CHCHD2: variants seen among roughly 807,000 people sequenced by gnomAD.
The protein encoded by CHCHD2 is coiled-coil-helix-coiled-coil-helix domain-containing protein 2.
Under a neutral mutation model 17.5 loss-of-function variants are expected in CHCHD2, and 17 were observed. That is an observed-to-expected ratio of 0.97 (90% confidence interval 0.67 to 1.46). CHCHD2 has a LOEUF of 1.46. CHCHD2 is among the 40% of genes most tolerant of loss of function. CHCHD2 has a pLI of 0.00. For missense variants in CHCHD2, 175 were observed against 199.9 expected (o/e 0.88, Z 0.75); for synonymous variants, 63 against 74.3 (o/e 0.85, Z 0.78).
intron 2 of CHCHD2, among the ~76,000 whole-genome samples, chr7:56,103,437 C>T (rs1785323066): frequency 6.6e-6 from 1 of 151,910 alleles, no homozygotes; most frequent in Non-Finnish European, 1.5e-5. Context: ...GAGCGAGACT[C>T]CACCTCCAAA....
chr7:56,102,974 G>A lies in CHCHD2; in HGVS notation c.338C>T (p.Pro113Leu). 2 of 1,614,200 alleles carry A rather than the reference G, an allele frequency of 1.2e-6. No individual in the cohort carries two copies. Among genetic ancestry groups the A allele is most frequent in the Non-Finnish European group, 1.7e-6 (2 of 1,180,016 alleles). Reference protein sequence around the residue: ...QGTQPAQQQQPCLYEIKQFLE... With the variant: ...QGTQPAQQQQLCLYEIKQFLE... Reference sequence around the variant, plus strand: ...AAACTGTTTGATCTCATAGAGGCAAGGCTGCTGCTGCTGTGCTGGCTGGGT... The same window carrying A: ...AAACTGTTTGATCTCATAGAGGCAAAGCTGCTGCTGCTGTGCTGGCTGGGT... Residue 113 changes from proline to leucine, a missense_variant, in exon 3 of 4, where the codon CCT becomes CTT. Transcript: ENST00000395422.
intron 2 of CHCHD2, 23 bp from the exon 3 acceptor site, chr7:56,103,034 A>G: frequency 6.2e-7 from 1 of 1,613,878 alleles, no homozygotes; most frequent in Non-Finnish European, 8.5e-7. Context: ...AACATTCAAC[A>G]TTGCTGAGAA....
intron 3 of CHCHD2, among the ~76,000 whole-genome samples, 171 bp from the exon 4 acceptor site, chr7:56,102,032 G>A (rs1030030108): frequency 6.6e-6 from 1 of 152,008 alleles, no homozygotes; most frequent in African/African-American, 2.4e-5. Context: ...GCCCAGGCTG[G>A]TCTCGAACTC....
intron 3 of CHCHD2, among the ~76,000 whole-genome samples, chr7:56,102,362 T>TTC (rs397729338): frequency 6.6e-6 from 1 of 151,344 alleles, no homozygotes; most frequent in Non-Finnish European, 1.5e-5. Flanking sequence ...TTTTTTTTTT[T>TTC]CTTTTAAATT....
chr7:56,106,439 C>G lies in CHCHD2; in HGVS notation c.-26G>C, dbSNP rs575063134. ...CCTAGGTAAGCGACGGCTAGGCCTC[C>G]GGACGTGGGACAACCACCGAAGAGC... On this transcript the variant is annotated 5_prime_UTR_variant, in exon 1 of 4. Transcript: ENST00000395422. The G allele has an allele frequency of 2.5e-6, 4 of 1,612,516 alleles. No homozygotes were observed. Among genetic ancestry groups the G allele is most frequent in the East Asian group, 4.5e-5 (2 of 44,832 alleles).
chr7:56,105,125 C>T (rs1366088863), intron 1 of CHCHD2, among the ~76,000 whole-genome samples: 1 of 146,306 alleles, frequency 6.8e-6, no homozygotes, highest in African/African-American at 2.5e-5. Context: ...TGGCCAGGCT[C>T]GTCTCGAACT....
chr7:56,105,776 C>T (rs946463321), intron 1 of CHCHD2, among the ~76,000 whole-genome samples: 1 of 152,174 alleles, frequency 6.6e-6, no homozygotes, highest in Admixed American at 6.6e-5. Flanking sequence ...GAGTTAGACT[C>T]TGACTCAAAA....
chr7:56,106,467 A>G lies in CHCHD2; in HGVS notation c.-54T>C. ...ACGTGGGACAACCACCGAAGAGCTA[A>G]GCGACTTCTGAGGAGACCGGAAGAT... On this transcript the variant is annotated 5_prime_UTR_variant, in exon 1 of 4. Transcript: ENST00000395422. The G allele has an allele frequency of 3.8e-6, 6 of 1,578,062 alleles. No individual in the cohort carries two copies. The East Asian group carries it at 9.0e-5, about 24-fold the overall frequency.
intron 2 of CHCHD2, 57 bp downstream of exon 2, chr7:56,104,169 G>C (rs553139628): frequency 1.9e-6 from 3 of 1,594,158 alleles, no homozygotes; most frequent in Non-Finnish European, 2.6e-6. Context: ...ACTTACAAAC[G>C]TCTGGCTTTT....
intron 1 of CHCHD2, among the ~76,000 whole-genome samples, 168 bp downstream of exon 1, chr7:56,106,196 C>T (rs760656137): frequency 2.0e-5 from 3 of 152,156 alleles, no homozygotes; most frequent in Admixed American, 6.5e-5. Context: ...ATTCCCTCCC[C>T]ACACTCCCCT....
chr7:56,104,538 T>C (rs1785350121), intron 1 of CHCHD2, 63 bp from the exon 2 acceptor site: 1 of 1,407,878 alleles, frequency 7.1e-7, no homozygotes, highest in Non-Finnish European at 9.5e-7. Flanking sequence ...AATTGTCAAC[T>C]TAAAATAACT....
rs1409777702 is a variant in CHCHD2, at chr7:56,102,906, C to T, written c.406G>A (p.Gly136Ser). The T allele has an allele frequency of 6.2e-7, 1 of 1,614,018 alleles. No individual in the cohort carries two copies. The highest frequency in any genetic ancestry group is 2.2e-5 in the East Asian group (1 of 44,872). Residue 136 changes from glycine to serine, a missense_variant, in exon 3 of 4, where the codon GGT becomes AGT. Gly to Ser is a moderately conservative substitution (Grantham distance 56). Transcript: ENST00000395422. ...QNQGDIKLCE[G>S]FNEVLKQCRL... is the part of the protein sequence containing the mutation. ...CACTGTTTCAGCACCTCATTGAAAC[C>T]CTCACAGAGCTTGATGTCACCCTGG...
intron 3 of CHCHD2, 95 bp downstream of exon 3, chr7:56,102,769 GTCT>G: frequency 7.7e-7 from 1 of 1,303,214 alleles, no homozygotes; most frequent in Non-Finnish European, 1.1e-6. Context: ...TTTCAACAAA[GTCT>G]TCTCTAATTT....
In CHCHD2 at chr7:56,105,867, C is replaced by T. The variant is rs139102671; in HGVS notation, c.50+497G>A. 2.9e-4 allele frequency among the ~76,000 whole-genome samples: 44 copies of T among 152,286 alleles called. 1 individual carries two copies. In the East Asian group the frequency reaches 8.3e-3, roughly 29 times the overall value. ...TCTAGTCCAATTCCTTCATTTTACA[C>T]ATTACAAAACAAGACTGGCCAAAGT... On this transcript the variant is annotated intron_variant, in intron 1 of 3. Transcript: ENST00000395422.
chr7:56,103,094 G>A (rs1468858402), intron 2 of CHCHD2, 83 bp from the exon 3 acceptor site: 2 of 1,445,790 alleles, frequency 1.4e-6, no homozygotes, highest in Non-Finnish European at 1.9e-6. Context: ...TCCTCTTTGA[G>A]GTTAATGGAA....
chr7:56,102,221 T>C (rs1785297532), intron 3 of CHCHD2, among the ~76,000 whole-genome samples: 1 of 152,208 alleles, frequency 6.6e-6, no homozygotes, highest in Non-Finnish European at 1.5e-5. Flanking sequence ...ATACCAGGTA[T>C]CAGTCTTTTT....
chr7:56,103,795 A>T (rs547520454), intron 2 of CHCHD2, among the ~76,000 whole-genome samples: 1 of 152,352 alleles, frequency 6.6e-6, no homozygotes, highest in East Asian at 1.9e-4. Flanking sequence ...CACCGGAAAT[A>T]CAAGAGTATA....
Position 56,101,647 on chromosome 7 carries a change from C to A in CHCHD2, c.*204G>T. 3.9e-6 allele frequency: 2 copies of A among 511,560 alleles called. No homozygotes were observed. The highest frequency in any genetic ancestry group is 3.3e-5 in the South Asian group (1 of 30,168). 31.7% of individuals were successfully genotyped at this position (511,560 alleles called of 1,614,324 possible). A position where few individuals can be genotyped will look rare whatever the true frequency, so the allele number is the denominator to read the frequency against. ...AACATAACAGCTAGTTTAAGGAGGCCACACAAACATTTGCCCAGTCCCAGA... is the reference window on the plus strand; with the variant it reads ...AACATAACAGCTAGTTTAAGGAGGCAACACAAACATTTGCCCAGTCCCAGA... On this transcript the variant is annotated 3_prime_UTR_variant, in exon 4 of 4. Coordinates refer to ENST00000395422, the MANE Select transcript of CHCHD2 (RefSeq NM_016139.4).
chr7:56,106,138 C>T (rs1785379380), intron 1 of CHCHD2, among the ~76,000 whole-genome samples: 1 of 152,182 alleles, frequency 6.6e-6, no homozygotes, highest in Non-Finnish European at 1.5e-5. Context: ...CTGGCCATAA[C>T]GTTATGCCTT....
Sources: gnomAD v4.1 joint callset for allele counts (sites outside exome capture counted in the v4.1 genomes callset) on GRCh38, gnomAD v4.1.1 for gene constraint, MANE v1.5 for transcripts, NCBI Gene and HGNC (gene_info 2026-07-23, HGNC 2026-07-21) for gene names.